The following ZHX2 variants were observed in gnomAD, a reference collection of about 807,000 sequenced individuals.
ZHX2 encodes the protein zinc fingers and homeoboxes 2.
Under a neutral mutation model 21.9 loss-of-function variants are expected in ZHX2, and 6 were observed. The ratio of observed to expected loss-of-function variants is 0.27; its 90% CI spans 0.15 to 0.54. The LOEUF is 0.54. ZHX2 is among the 20% of genes least tolerant of loss of function. ZHX2 has a pLI of 0.95. For missense variants in ZHX2, 908 were observed against 1,090.7 expected (o/e 0.83, Z 2.36); for synonymous variants, 434 against 437.1 (o/e 0.99, Z 0.09).
chr8:122,966,481 C>G (rs114095513), intron 3 of ZHX2, among the ~76,000 whole-genome samples: 1 of 152,272 alleles, frequency 6.6e-6, no homozygotes, highest in African/African-American at 2.4e-5. Flanking sequence ...AAGATGGGAT[C>G]CCAGTCACTT....
At chr8:122,901,106 A>G (rs983816051) in intron 2 of ZHX2, among the ~76,000 whole-genome samples, 9 of 152,172 alleles carry the variant, frequency 5.9e-5, no homozygotes, top group African/African-American at 1.9e-4. Flanking sequence ...AAGTGATTTG[A>G]TTTTTTTAAA....
At chr8:122,837,704 G>A (rs1416371305) in intron 1 of ZHX2, among the ~76,000 whole-genome samples, 1 of 152,188 alleles carries the variant, frequency 6.6e-6, no homozygotes, top group African/African-American at 2.4e-5. Context: ...TCAGTCCCTT[G>A]GGGTGGCCAC....
chr8:122,790,316 C>T (rs564351424), intron 1 of ZHX2, among the ~76,000 whole-genome samples: 1 of 152,152 alleles, frequency 6.6e-6, no homozygotes, highest in Non-Finnish European at 1.5e-5. Context: ...TTTTCTTCTT[C>T]TCTACAGTCT....
intron 2 of ZHX2, among the ~76,000 whole-genome samples, chr8:122,937,886 C>T (rs1217878729): frequency 7.5e-6 from 1 of 132,728 alleles, no homozygotes; most frequent in Non-Finnish European, 1.6e-5. Flanking sequence ...CCAGCCGGAT[C>T]ATCTATTTTT....
At chr8:122,905,191 G>A (rs1341035269) in intron 2 of ZHX2, among the ~76,000 whole-genome samples, 1 of 152,208 alleles carries the variant, frequency 6.6e-6, no homozygotes, top group Non-Finnish European at 1.5e-5. Context: ...GATTCAAGAA[G>A]CTGGGTGAAC....
At chr8:122,878,906 G>T (rs1222649359) in intron 2 of ZHX2, among the ~76,000 whole-genome samples, 1 of 152,112 alleles carries the variant, frequency 6.6e-6, no homozygotes, top group Non-Finnish European at 1.5e-5. Flanking sequence ...TGACATTGGG[G>T]CATTTAAGTC....
intron 1 of ZHX2, among the ~76,000 whole-genome samples, chr8:122,800,529 T>C (rs1032878132): frequency 1.3e-5 from 2 of 152,158 alleles, no homozygotes; most frequent in Non-Finnish European, 2.9e-5. Flanking sequence ...TCAATAAATA[T>C]CTGTGGAATT....
chr8:122,851,567 C>G (rs866177083), intron 1 of ZHX2, among the ~76,000 whole-genome samples: 2 of 152,222 alleles, frequency 1.3e-5, no homozygotes, highest in Admixed American at 6.5e-5. Flanking sequence ...CACCCAAGCT[C>G]CATGAGGTGA....
At chr8:122,820,891 C>T (rs1287088506) in intron 1 of ZHX2, among the ~76,000 whole-genome samples, 1 of 152,200 alleles carries the variant, frequency 6.6e-6, no homozygotes, top group East Asian at 1.9e-4. Flanking sequence ...CACACAGGCC[C>T]GTGCCTTGAG....
At chr8:122,872,641 C>G (rs1007530319) in intron 2 of ZHX2, among the ~76,000 whole-genome samples, 5 of 152,194 alleles carry the variant, frequency 3.3e-5, no homozygotes, top group African/African-American at 7.2e-5. Flanking sequence ...ATGAAAACAC[C>G]TATAACTCGT....
At chr8:122,804,901 T>C (rs956240348) in intron 1 of ZHX2, among the ~76,000 whole-genome samples, 2 of 152,134 alleles carry the variant, frequency 1.3e-5, no homozygotes, top group African/African-American at 4.8e-5. Flanking sequence ...GGGCCATGGA[T>C]TCCCTTGTGC....
rs150913433 is a variant in ZHX2 at position 122,936,326 on chromosome 8, G to T, written c.-219-14966G>T. Among the ~76,000 whole-genome samples, 14 of 152,266 alleles carry T rather than the reference G, an allele frequency of 9.2e-5. No homozygotes were observed. The East Asian group carries it at 2.5e-3, about 27-fold the overall frequency. On this transcript the variant is annotated intron_variant, in intron 2 of 3. Transcript: ENST00000314393. ...AGGTATGGGGCAGCAAGCAATCTGC[G>T]GCTAAAAATAAAGCCTTGAAGTTTG... is the stretch of plus-strand genomic sequence containing the variant.
At chr8:122,789,177 GCTGTTTTT>G (rs1349961530) in intron 1 of ZHX2, among the ~76,000 whole-genome samples, 1 of 152,220 alleles carries the variant, frequency 6.6e-6, no homozygotes, top group Non-Finnish European at 1.5e-5. Flanking sequence ...TGGCTGTGTT[GCTGTTTTT>G]ATACAATAAA....
chr8:122,879,855 G>C (rs1284605625), intron 2 of ZHX2, among the ~76,000 whole-genome samples: 1 of 151,892 alleles, frequency 6.6e-6, no homozygotes, highest in Non-Finnish European at 1.5e-5. Flanking sequence ...TGATAGTGTT[G>C]TTATGAGGAC....
chr8:122,849,236 G>A (rs1257717655), intron 1 of ZHX2, among the ~76,000 whole-genome samples: 1 of 152,140 alleles, frequency 6.6e-6, no homozygotes, highest in Non-Finnish European at 1.5e-5. Flanking sequence ...TTTCCCCATT[G>A]GAGATGTGAA....
chr8:122,824,072 T>G (rs1818211397), intron 1 of ZHX2, among the ~76,000 whole-genome samples: 1 of 152,202 alleles, frequency 6.6e-6, no homozygotes, highest in African/African-American at 2.4e-5. Flanking sequence ...AGCTCAATAT[T>G]TTTTCAGACT....
At chr8:122,956,867 C>T (rs1410385382) in intron 3 of ZHX2, among the ~76,000 whole-genome samples, 2 of 152,126 alleles carry the variant, frequency 1.3e-5, no homozygotes, top group African/African-American at 2.4e-5. Context: ...GCCCCGGTCC[C>T]CATCTCTTCT....
At chr8:122,902,822 T>C (rs1179251241) in intron 2 of ZHX2, among the ~76,000 whole-genome samples, 1 of 152,222 alleles carries the variant, frequency 6.6e-6, no homozygotes, top group Non-Finnish European at 1.5e-5. Flanking sequence ...ACCAAACTCA[T>C]ACCAGAGGCC....
intron 3 of ZHX2, among the ~76,000 whole-genome samples, chr8:122,966,814 G>T (rs12334617): frequency 2.0e-5 from 3 of 152,020 alleles, no homozygotes; most frequent in African/African-American, 7.3e-5. Flanking sequence ...GTCATTTCAC[G>T]TAATCCCAAA....
Sources: allele counts gnomAD v4.1 joint callset (sites outside exome capture counted in the v4.1 genomes callset), GRCh38; gene constraint gnomAD v4.1.1; transcripts MANE v1.5; gene names NCBI Gene and HGNC (gene_info 2026-07-23, HGNC 2026-07-21).